Variants in LIPA observed in about 807,000 individuals in gnomAD.
LIPA encodes the protein lysosomal acid lipase/cholesteryl ester hydrolase.
In LIPA, 26 loss-of-function variants were observed where a neutral mutation model predicts 40.6. That is an observed-to-expected ratio of 0.64 (90% CI 0.47 to 0.89). The LOEUF is 0.89. LIPA is among the 40% of genes least tolerant of loss of function. LIPA has a pLI of 0.00. For missense variants in LIPA, 455 were observed against 479.6 expected (o/e 0.95, Z 0.48); for synonymous variants, 188 against 168.4 (o/e 1.12, Z -0.90).
At chr10:89,265,777 T>G (rs989850836) in intron 1 of LIPA, among the ~76,000 whole-genome samples, 2 of 152,240 alleles carry the variant, frequency 1.3e-5, no homozygotes, top group African/African-American at 4.8e-5. Context: ...GTGTTCAGAC[T>G]TGTAAAATAG....
intron 3 of LIPA, among the ~76,000 whole-genome samples, chr10:89,235,276 A>T (rs776773867): frequency 1.2e-4 from 19 of 152,232 alleles, no homozygotes; most frequent in African/African-American, 3.9e-4. Context: ...AACCAGCATG[A>T]CAGGTCAAGG....
At chr10:89,344,061 A>G (rs1186000082), upstream of LIPA, among the ~76,000 whole-genome samples, 2 of 152,176 alleles carry the variant, frequency 1.3e-5, no homozygotes, top group African/African-American at 2.4e-5. Flanking sequence ...TGTGACCCTA[A>G]GATATTCCTA....
At chr10:89,286,249 T>C (rs2133501921) in intron 1 of LIPA, among the ~76,000 whole-genome samples, 1 of 152,216 alleles carries the variant, frequency 6.6e-6, no homozygotes, top group Admixed American at 6.5e-5. Context: ...CCCTCCTGCC[T>C]GTCCCCTCAG....
intron 2 of LIPA, among the ~76,000 whole-genome samples, chr10:89,397,109 C>T (rs905611831): frequency 1.3e-5 from 2 of 152,112 alleles, no homozygotes; most frequent in African/African-American, 4.8e-5. Flanking sequence ...TAGTTTTGAT[C>T]TAATTCATGT....
intron 2 of LIPA, among the ~76,000 whole-genome samples, chr10:89,411,001 T>C (rs561565776): frequency 1.3e-5 from 2 of 152,350 alleles, no homozygotes; most frequent in African/African-American, 2.4e-5. Flanking sequence ...GTGTACCCTA[T>C]TCCTTTAAAA....
At chr10:89,327,364 A>G (rs1843609368) in intron 1 of LIPA, among the ~76,000 whole-genome samples, 1 of 152,184 alleles carries the variant, frequency 6.6e-6, no homozygotes, top group South Asian at 2.1e-4. Flanking sequence ...CAGCCTGACC[A>G]ACATGGCGAA....
chr10:89,278,994 C>T (rs1490853619), intron 1 of LIPA, among the ~76,000 whole-genome samples: 1 of 152,068 alleles, frequency 6.6e-6, no homozygotes, highest in Non-Finnish European at 1.5e-5. Flanking sequence ...TTTTTACCAA[C>T]AATTGCTTGT....
chr10:89,240,094 G>C (rs995810866), intron 3 of LIPA, among the ~76,000 whole-genome samples: 1 of 152,158 alleles, frequency 6.6e-6, no homozygotes, highest in South Asian at 2.1e-4. Flanking sequence ...ACCTGCAGGG[G>C]ACACAGGGCT....
intron 2 of LIPA, among the ~76,000 whole-genome samples, chr10:89,246,301 T>G (rs1158477381): frequency 6.6e-6 from 1 of 152,226 alleles, no homozygotes; most frequent in African/African-American, 2.4e-5. Context: ...TAGGGAATTA[T>G]GGTCACATTC....
intron 1 of LIPA, among the ~76,000 whole-genome samples, chr10:89,261,364 G>A (rs1327655511): frequency 6.6e-6 from 1 of 152,200 alleles, no homozygotes; most frequent in Non-Finnish European, 1.5e-5. Context: ...AATTAGCTGG[G>A]TTTGATGGCG....
At chr10:89,402,043 A>G (rs546318265) in intron 2 of LIPA, among the ~76,000 whole-genome samples, 2 of 152,374 alleles carry the variant, frequency 1.3e-5, no homozygotes, top group African/African-American at 4.8e-5. Flanking sequence ...TCTCCATTCT[A>G]CAAATAGGAC....
At chr10:89,395,391 TC>T (rs1489019601) in intron 2 of LIPA, among the ~76,000 whole-genome samples, 1 of 152,114 alleles carries the variant, frequency 6.6e-6, no homozygotes, top group African/African-American at 2.4e-5. Flanking sequence ...CCTCAATGGC[TC>T]CCCCTTTCCC....
intron 2 of LIPA, among the ~76,000 whole-genome samples, chr10:89,391,277 G>A (rs1205968027): frequency 6.6e-6 from 1 of 152,186 alleles, no homozygotes; most frequent in African/African-American, 2.4e-5. Flanking sequence ...GCAGTGGTGT[G>A]ACCATGGCTC....
chr10:89,231,117 G>C (rs538129733), intron 3 of LIPA, among the ~76,000 whole-genome samples: 47 of 152,052 alleles, frequency 3.1e-4, no homozygotes, highest in Non-Finnish European at 6.0e-4. Context: ...GGAAAAAAAA[G>C]CAAAATACAA....
intron 3 of LIPA, among the ~76,000 whole-genome samples, chr10:89,240,407 G>C (rs1187296287): frequency 1.3e-5 from 2 of 152,146 alleles, no homozygotes; most frequent in African/African-American, 4.8e-5. Flanking sequence ...TTGTACCACT[G>C]CATTCTAGCC....
chr10:89,228,545 TATA>T, intron 3 of LIPA, 147 bp from the exon 4 acceptor site: 3 of 766,864 alleles, frequency 3.9e-6, no homozygotes, highest in South Asian at 3.3e-5. Flanking sequence ...TGTACTCACA[TATA>T]ATGTTAGTAA....
At chr10:89,342,923 G>A (rs1205381344), upstream of LIPA, among the ~76,000 whole-genome samples, 2 of 152,178 alleles carry the variant, frequency 1.3e-5, no homozygotes, top group Non-Finnish European at 2.9e-5. Context: ...TTGGCTTAAG[G>A]GCTGGTGAGA....
chr10:89,245,648 GT>G, intron 3 of LIPA, 27 bp downstream of exon 3: 1 of 1,175,708 alleles, frequency 8.5e-7, no homozygotes, highest in South Asian at 1.2e-5. Flanking sequence ...AAGAATTCTG[GT>G]TTTTACTTTT....
At chr10:89,334,377 T>C (rs1243820227) in intron 1 of LIPA, among the ~76,000 whole-genome samples, 3 of 151,594 alleles carry the variant, frequency 2.0e-5, no homozygotes, top group African/African-American at 7.3e-5. Flanking sequence ...CCTATCTCCC[T>C]AAGGTCTTCT....
Sources: allele counts gnomAD v4.1 joint callset (sites outside exome capture counted in the v4.1 genomes callset), GRCh38; gene constraint gnomAD v4.1.1; transcripts MANE v1.5; gene names NCBI Gene and HGNC (gene_info 2026-07-23, HGNC 2026-07-21).